The following COL24A1 variants were observed in gnomAD, a reference collection of about 807,000 sequenced individuals.
COL24A1 encodes collagen alpha-1(XXIV) chain.
In COL24A1, 224 loss-of-function variants were observed where a neutral mutation model predicts 253.9. The observed-to-expected ratio is 0.88, with a 90% confidence interval of 0.79 to 0.99. The LOEUF is 0.99. COL24A1 is among the 50% of genes least tolerant of loss of function. The pLI is 0.00. For synonymous variants in COL24A1, 685 were observed against 673.7 expected, an observed-to-expected ratio of 1.02 and a Z score of -0.26; for missense variants, 2,131 against 2,068.5, an observed-to-expected ratio of 1.03 and a Z score of -0.59.
chr1:85,889,896 C>G (rs1295037772), intron 31 of COL24A1, among the ~76,000 whole-genome samples: 1 of 152,062 alleles, frequency 6.6e-6, no homozygotes, highest in Non-Finnish European at 1.5e-5. Context: ...CCATTAAATA[C>G]TAGCTCCCCA....
intron 24 of COL24A1, among the ~76,000 whole-genome samples, chr1:85,936,568 G>A (rs1328244476): frequency 3.4e-5 from 5 of 146,832 alleles, no homozygotes; most frequent in Admixed American, 2.7e-4. Flanking sequence ...ATACGGAAAA[G>A]TTTATTAATT....
intron 7 of COL24A1, among the ~76,000 whole-genome samples, chr1:86,086,372 T>C (rs1426823515): frequency 2.0e-5 from 3 of 152,056 alleles, no homozygotes; most frequent in Admixed American, 6.6e-5. Flanking sequence ...GTCCCTGACC[T>C]GAGAAACAGC....
chr1:86,072,678 C>A (rs1410114782), intron 7 of COL24A1, among the ~76,000 whole-genome samples: 1 of 152,170 alleles, frequency 6.6e-6, no homozygotes, highest in Non-Finnish European at 1.5e-5. Context: ...GACCCCCGTG[C>A]CTCGTGATTG....
At chr1:86,089,485 T>G (rs947260293) in intron 6 of COL24A1, among the ~76,000 whole-genome samples, 9 of 152,198 alleles carry the variant, frequency 5.9e-5, no homozygotes, top group Admixed American at 2.6e-4. Context: ...ATGCCCTTGC[T>G]GTCAAACTTC....
intron 1 of COL24A1, chr1:86,156,123 A>T: frequency 6.2e-6 from 3 of 486,330 alleles, no homozygotes; most frequent in East Asian, 3.5e-5. Context: ...TCGCTTTAGC[A>T]TAAACTGTCT....
chr1:86,001,943 C>T (rs1034969957), intron 19 of COL24A1, among the ~76,000 whole-genome samples: 1 of 152,186 alleles, frequency 6.6e-6, no homozygotes, highest in Non-Finnish European at 1.5e-5. Context: ...ACAGTAGAGG[C>T]TTTGACACGG....
intron 47 of COL24A1, among the ~76,000 whole-genome samples, chr1:85,804,608 C>T (rs1308570225): frequency 6.6e-6 from 1 of 152,120 alleles, no homozygotes; most frequent in Non-Finnish European, 1.5e-5. Context: ...GCATGGATGG[C>T]AGCAGGCAAA....
chr1:85,880,849 C>T (rs1681756777), intron 32 of COL24A1, among the ~76,000 whole-genome samples: 1 of 152,036 alleles, frequency 6.6e-6, no homozygotes, highest in Admixed American at 6.6e-5. Context: ...ACTGTTAAAC[C>T]AGCCTTGTAT....
intron 6 of COL24A1, among the ~76,000 whole-genome samples, chr1:86,090,082 T>A (rs1344061389): frequency 3.3e-5 from 5 of 151,992 alleles, no homozygotes; most frequent in Non-Finnish European, 7.4e-5. Context: ...CACCCCGGAG[T>A]AACGAGCGAA....
chr1:86,097,848 TC>T (rs1303123638), intron 5 of COL24A1, among the ~76,000 whole-genome samples: 2 of 152,030 alleles, frequency 1.3e-5, no homozygotes, highest in Non-Finnish European at 2.9e-5. Context: ...CTATGGCATG[TC>T]CCCTGAACTC....
chr1:86,101,307 G>A (rs1456457702), intron 5 of COL24A1, among the ~76,000 whole-genome samples: 1 of 152,084 alleles, frequency 6.6e-6, no homozygotes, highest in Non-Finnish European at 1.5e-5. Flanking sequence ...GGGTTTTCTA[G>A]GTATAGAATC....
At chr1:86,071,876 G>A (rs1701898498) in intron 7 of COL24A1, among the ~76,000 whole-genome samples, 2 of 152,106 alleles carry the variant, frequency 1.3e-5, no homozygotes, top group Non-Finnish European at 2.9e-5. Context: ...GAAGCAGGGT[G>A]GGGTGTTGCC....
chr1:86,092,388 G>T, intron 5 of COL24A1, 68 bp from the exon 6 acceptor site: 2 of 1,136,032 alleles, frequency 1.8e-6, no homozygotes, highest in South Asian at 2.7e-5. Context: ...ATATCTTCAG[G>T]TATTTATTAC....
intron 28 of COL24A1, among the ~76,000 whole-genome samples, chr1:85,904,619 G>T (rs553539779): frequency 1.3e-5 from 2 of 152,120 alleles, no homozygotes; most frequent in South Asian, 2.1e-4. Flanking sequence ...GAGTATGTAG[G>T]ATAAATAATA....
At chr1:86,044,897 G>GA (rs953783043) in intron 12 of COL24A1, among the ~76,000 whole-genome samples, 2 of 152,172 alleles carry the variant, frequency 1.3e-5, no homozygotes, top group African/African-American at 4.8e-5. Flanking sequence ...AGGGTTTTGA[G>GA]AAAATACTCA....
At chr1:86,131,171 T>C (rs1274494390) in intron 2 of COL24A1, among the ~76,000 whole-genome samples, 1 of 152,010 alleles carries the variant, frequency 6.6e-6, no homozygotes, top group African/African-American at 2.4e-5. Context: ...TCAACATTCT[T>C]CAAGAGTTGT....
chr1:85,836,694 A>G (rs1676042580), intron 43 of COL24A1, among the ~76,000 whole-genome samples: 2 of 152,204 alleles, frequency 1.3e-5, no homozygotes, highest in South Asian at 2.1e-4. Context: ...AGAATCATCA[A>G]TAAATAAAAT....
At chr1:85,755,495 G>A (rs553150129) in intron 55 of COL24A1, among the ~76,000 whole-genome samples, 1 of 151,112 alleles carries the variant, frequency 6.6e-6, no homozygotes, top group African/African-American at 2.4e-5. Context: ...TAAAGCTGCT[G>A]TAATCAAAAC....
intron 19 of COL24A1, among the ~76,000 whole-genome samples, chr1:86,001,306 A>C (rs1489563832): frequency 6.6e-6 from 1 of 152,226 alleles, no homozygotes; most frequent in Non-Finnish European, 1.5e-5. Context: ...TAGCATTTAC[A>C]ACAAAAACTT....
Sources: gnomAD v4.1 joint callset for allele counts (sites outside exome capture counted in the v4.1 genomes callset) on GRCh38, gnomAD v4.1.1 for gene constraint, MANE v1.5 for transcripts, NCBI Gene and HGNC (gene_info 2026-07-23, HGNC 2026-07-21) for gene names.